HIPK2: variants seen among roughly 807,000 people sequenced by gnomAD.
HIPK2 encodes homeodomain-interacting protein kinase 2.
A neutral mutation model predicts 113.7 loss-of-function variants in HIPK2; 27 were observed. The ratio of observed to expected loss-of-function variants is 0.24; its 90% confidence interval spans 0.17 to 0.33. HIPK2 has a LOEUF of 0.33. Ranked by LOEUF, HIPK2 falls within the 10% of genes least tolerant of loss-of-function variation. The pLI, the probability that HIPK2 is intolerant of heterozygous loss-of-function variation, is 1.00. For synonymous variants in HIPK2, 631 were observed against 642.2 expected (o/e 0.98, Z 0.26); for missense variants, 1,257 against 1,588.0 (o/e 0.79, Z 3.54).
chr7:139,743,263 G>T (rs1325098430), intron 1 of HIPK2, among the ~76,000 whole-genome samples: 4 of 152,182 alleles, frequency 2.6e-5, no homozygotes, highest in African/African-American at 9.7e-5. Flanking sequence ...AAAGCAGAGG[G>T]GCAACAAAGT....
At chr7:139,762,502 A>AGATATACCTG (rs1796482972) in intron 1 of HIPK2, among the ~76,000 whole-genome samples, 2 of 152,240 alleles carry the variant, frequency 1.3e-5, no homozygotes, top group Non-Finnish European at 2.9e-5. Context: ...ACTTCACACC[A>AGATATACCTG]GATATACCTG....
rs1417079968 is a variant in HIPK2 at position 139,649,169 on chromosome 7, G to A, written c.1104-17444C>T. On this transcript the variant is annotated intron_variant, in intron 2 of 14. Transcript: ENST00000406875. ...TTCTGTAATTACCACCCCTCCCACA[G>A]ACTGGACACCACAGCGGCCTATGAA... 3.3e-5 allele frequency among the ~76,000 whole-genome samples: 5 copies of A among 152,094 alleles called. No individual in the cohort carries two copies. In the South Asian group the frequency reaches 8.3e-4, roughly 25 times the overall value.
Position 139,564,893 on chromosome 7 carries a change from A to T in HIPK2, c.*8034T>A, listed in dbSNP as rs992526363. 1.3e-5 allele frequency: 2 copies of T among 152,258 alleles called. No individual in the cohort carries two copies. Among genetic ancestry groups the T allele is most frequent in the African/African-American group, 2.4e-5 (1 of 41,462 alleles). 9.4% of individuals were successfully genotyped at this position (152,258 alleles called of 1,614,324 possible). On this transcript the variant is annotated 3_prime_UTR_variant, in exon 15 of 15. Coordinates refer to ENST00000406875, the MANE Select transcript of HIPK2 (RefSeq NM_022740.5). Reference sequence around the variant, plus strand: ...AGGCTAACAGCATTTTACAGTAGCTAAAAACATATATACTTAACATGTGCA... The same window carrying T: ...AGGCTAACAGCATTTTACAGTAGCTTAAAACATATATACTTAACATGTGCA...
At chr7:139,700,462 C>T (rs1405697437) in intron 2 of HIPK2, among the ~76,000 whole-genome samples, 1 of 152,180 alleles carries the variant, frequency 6.6e-6, no homozygotes, top group Admixed American at 6.5e-5. Flanking sequence ...AAACGTGAGT[C>T]ACCATCATCA....
chr7:139,586,445 A>G (rs529858215), intron 12 of HIPK2, among the ~76,000 whole-genome samples: 1 of 152,284 alleles, frequency 6.6e-6, no homozygotes, highest in South Asian at 2.1e-4. Flanking sequence ...AATATGGTGT[A>G]TCCATACAGT....
intron 2 of HIPK2, among the ~76,000 whole-genome samples, chr7:139,659,506 G>A (rs1045938856): frequency 5.3e-5 from 8 of 152,192 alleles, no homozygotes; most frequent in African/African-American, 9.7e-5. Flanking sequence ...GCTTGTGCAC[G>A]GATAGAGAGA....
chr7:139,684,068 T>C (rs932717053), intron 2 of HIPK2, among the ~76,000 whole-genome samples: 2 of 152,192 alleles, frequency 1.3e-5, no homozygotes, highest in African/African-American at 2.4e-5. Context: ...TGCCACATTT[T>C]GGTAATTCTC....
In HIPK2 at chr7:139,674,713, A is replaced by G. The variant is rs534082106; in HGVS notation, c.1103+41219T>C. On this transcript the variant is annotated intron_variant, in intron 2 of 14. Coordinates refer to ENST00000406875, the MANE Select transcript of HIPK2 (RefSeq NM_022740.5). ...TTCTGTTTTCGACTTCAATTCCCAG[A>G]GCTAATTAATCACTTCATTAAGTAG... Among the ~76,000 whole-genome samples, 3 of 152,364 alleles carry G rather than the reference A, an allele frequency of 2.0e-5. No individual in the cohort carries two copies. In the South Asian group the frequency reaches 6.2e-4, roughly 32 times the overall value.
chr7:139,657,314 TAGAC>T (rs1801705569), intron 2 of HIPK2, among the ~76,000 whole-genome samples: 1 of 152,250 alleles, frequency 6.6e-6, no homozygotes, highest in African/African-American at 2.4e-5. Context: ...AGTCGTCTGT[TAGAC>T]AGCATTCATC....
intron 1 of HIPK2, among the ~76,000 whole-genome samples, chr7:139,737,602 CT>C (rs1795974150): frequency 6.6e-6 from 1 of 152,174 alleles, no homozygotes; most frequent in Admixed American, 6.5e-5. Flanking sequence ...GCCAAGGGCC[CT>C]GCACATCCGG....
chr7:139,659,227 G>A (rs1038700454), intron 2 of HIPK2, among the ~76,000 whole-genome samples: 5 of 152,064 alleles, frequency 3.3e-5, no homozygotes, highest in Admixed American at 2.6e-4. Context: ...TCTTTCCTGG[G>A]ACTGTCTCTC....
chr7:139,689,643 C>T (rs1794338910), intron 2 of HIPK2, among the ~76,000 whole-genome samples: 2 of 152,170 alleles, frequency 1.3e-5, no homozygotes, highest in African/African-American at 4.8e-5. Flanking sequence ...CAGCCTGGAA[C>T]TTTCCTATTA....
chr7:139,693,574 T>A (rs1186436667), intron 2 of HIPK2, among the ~76,000 whole-genome samples: 1 of 152,204 alleles, frequency 6.6e-6, no homozygotes, highest in East Asian at 1.9e-4. Flanking sequence ...ATCCACTAAA[T>A]GGGGAGTTGT....
At chr7:139,636,570 G>A (rs189966835) in intron 2 of HIPK2, among the ~76,000 whole-genome samples, 32 of 152,160 alleles carry the variant, frequency 2.1e-4, no homozygotes, top group African/African-American at 7.7e-4. Flanking sequence ...CAGCAAGATG[G>A]TCATGTGAAA....
chr7:139,592,618 T>G (rs1044369120), intron 12 of HIPK2, among the ~76,000 whole-genome samples: 4 of 152,184 alleles, frequency 2.6e-5, no homozygotes, highest in African/African-American at 9.7e-5. Context: ...GACTAAAGGT[T>G]GTATGCTACA....
chr7:139,619,242 C>T (rs540672644), intron 7 of HIPK2, among the ~76,000 whole-genome samples: 23 of 152,096 alleles, frequency 1.5e-4, no homozygotes, highest in Non-Finnish European at 2.9e-4. Flanking sequence ...AGGGACCTTT[C>T]AAAAAGAATG....
At chr7:139,654,966 A>G (rs557644507) in intron 2 of HIPK2, among the ~76,000 whole-genome samples, 29 of 152,286 alleles carry the variant, frequency 1.9e-4, no homozygotes, top group South Asian at 4.1e-4. Flanking sequence ...CCAACACACA[A>G]TCTAGGATTC....
At chr7:139,640,963 G>C (rs1479374243) in intron 2 of HIPK2, among the ~76,000 whole-genome samples, 1 of 152,140 alleles carries the variant, frequency 6.6e-6, no homozygotes, top group East Asian at 1.9e-4. Context: ...ACACTCTGTT[G>C]AAATACATTA....
chr7:139,756,685 A>G (rs1411178127), intron 1 of HIPK2, among the ~76,000 whole-genome samples: 1 of 152,164 alleles, frequency 6.6e-6, no homozygotes, highest in Non-Finnish European at 1.5e-5. Context: ...TCAGCCTCCC[A>G]AGGTGCTGGG....
Sources: allele counts gnomAD v4.1 joint callset (sites outside exome capture counted in the v4.1 genomes callset), GRCh38; gene constraint gnomAD v4.1.1; transcripts MANE v1.5; gene names NCBI Gene and HGNC (gene_info 2026-07-23, HGNC 2026-07-21).